NFYC: variants seen among roughly 807,000 people sequenced by gnomAD.
NFYC encodes nuclear transcription factor Y subunit gamma.
Under a neutral mutation model 53.1 loss-of-function variants are expected in NFYC, and 25 were observed. The observed-to-expected ratio is 0.47, with a 90% confidence interval of 0.34 to 0.66. The LOEUF is 0.66. Among genes scored for constraint, NFYC ranks in the 30% least tolerant of loss-of-function variants. The pLI, the probability that NFYC is intolerant of heterozygous loss-of-function variation, is 0.01. For missense variants in NFYC, 260 were observed against 422.7 expected (o/e 0.62, Z 3.38); for synonymous variants, 145 against 152.6 (o/e 0.95, Z 0.37).
chr1:40,731,472 C>T (rs1159906808), intron 1 of NFYC, among the ~76,000 whole-genome samples: 2 of 150,168 alleles, frequency 1.3e-5, no homozygotes, highest in Non-Finnish European at 3.0e-5. Flanking sequence ...CGCACCTGGC[C>T]TTTCTTTTTC....
At chr1:40,697,188 A>G (rs571949322) in intron 1 of NFYC, among the ~76,000 whole-genome samples, 5 of 152,326 alleles carry the variant, frequency 3.3e-5, no homozygotes, top group South Asian at 2.1e-4. Flanking sequence ...GTAGATGCCT[A>G]TCACTTAGTG....
intron 1 of NFYC, among the ~76,000 whole-genome samples, chr1:40,708,029 T>C (rs1643804300): frequency 6.6e-6 from 1 of 152,180 alleles, no homozygotes; most frequent in Non-Finnish European, 1.5e-5. Flanking sequence ...TTTTTAAAAA[T>C]TGTGTCTGTA....
chr1:40,760,253 A>G (rs1646469252), intron 6 of NFYC, among the ~76,000 whole-genome samples: 1 of 152,088 alleles, frequency 6.6e-6, no homozygotes, highest in Non-Finnish European at 1.5e-5. Flanking sequence ...CACCATGCCC[A>G]GTTAGGAGGT....
At chr1:40,730,757 T>C (rs1644733328) in intron 1 of NFYC, among the ~76,000 whole-genome samples, 1 of 152,242 alleles carries the variant, frequency 6.6e-6, no homozygotes, top group Non-Finnish European at 1.5e-5. Context: ...TATATTTGTT[T>C]CTTAGTCAGT....
At chr1:40,698,170 C>G (rs1643249263) in intron 1 of NFYC, among the ~76,000 whole-genome samples, 2 of 152,042 alleles carry the variant, frequency 1.3e-5, no homozygotes, top group African/African-American at 2.4e-5. Context: ...TGTGACCAGC[C>G]TGGCCAATAT....
chr1:40,714,423 T>A (rs1644047529), intron 1 of NFYC, among the ~76,000 whole-genome samples: 1 of 152,232 alleles, frequency 6.6e-6, no homozygotes, highest in Non-Finnish European at 1.5e-5. Context: ...CATGATATAC[T>A]TTAACATTTT....
intron 8 of NFYC, chr1:40,767,330 C>T (rs953691965): frequency 6.8e-5 from 20 of 294,220 alleles, no homozygotes; most frequent in African/African-American, 1.3e-4. Flanking sequence ...AAGCAGCGAT[C>T]GTTTAAGAGC....
Position 40,770,888 on chromosome 1 carries a change from A to G in NFYC, c.*60A>G, listed in dbSNP as rs908518259. On this transcript the variant is annotated 3_prime_UTR_variant, in exon 10 of 10. Coordinates refer to ENST00000447388, the MANE Select transcript of NFYC (RefSeq NM_014223.5). The surrounding 1 kb of genome is among the most constrained non-coding windows in gnomAD (Gnocchi z 5.3). Reference sequence around the variant, plus strand: ...CAATTTTTGCCATACAGCCCCAGGCAATGGGCACAGCCTTCCTCCCCAGAG... The same window carrying G: ...CAATTTTTGCCATACAGCCCCAGGCGATGGGCACAGCCTTCCTCCCCAGAG... 2 of 1,572,312 alleles carry G rather than the reference A, an allele frequency of 1.3e-6. No homozygotes were observed. The highest frequency in any genetic ancestry group is 1.7e-6 in the Non-Finnish European group (2 of 1,158,790).
intron 5 of NFYC, chr1:40,757,809 C>G (rs1646311055): frequency 2.1e-6 from 1 of 466,464 alleles, no homozygotes; most frequent in African/African-American, 2.0e-5. Context: ...CATTTACTGA[C>G]AAGCACTGCT....
chr1:40,715,672 G>A (rs912873310), intron 1 of NFYC, among the ~76,000 whole-genome samples: 2 of 151,854 alleles, frequency 1.3e-5, no homozygotes, highest in Non-Finnish European at 2.9e-5. Flanking sequence ...GCTAGACCCC[G>A]CTGTTCAATA....
At chr1:40,740,124 G>A (rs1645261368) in intron 2 of NFYC, among the ~76,000 whole-genome samples, 1 of 152,198 alleles carries the variant, frequency 6.6e-6, no homozygotes, top group Non-Finnish European at 1.5e-5. Flanking sequence ...TACTAAAGGA[G>A]CTCCCCATGT....
chr1:40,757,375 A>G (rs560493179), intron 5 of NFYC: 11 of 534,248 alleles, frequency 2.1e-5, no homozygotes, highest in South Asian at 1.5e-4. Flanking sequence ...GCCATGGAAA[A>G]CATCAGCTGA....
At chr1:40,728,417 C>T (rs566813576) in intron 1 of NFYC, among the ~76,000 whole-genome samples, 2 of 151,872 alleles carry the variant, frequency 1.3e-5, no homozygotes, top group African/African-American at 2.4e-5. Flanking sequence ...GCCAACGTGG[C>T]GAAACCCTGT....
intron 1 of NFYC, among the ~76,000 whole-genome samples, chr1:40,725,169 T>C (rs1354918133): frequency 2.0e-5 from 3 of 152,222 alleles, no homozygotes; most frequent in Non-Finnish European, 4.4e-5. Flanking sequence ...GTTTCCTGCA[T>C]GACTATATAA....
In NFYC at chr1:40,751,467, G is replaced by T. The variant is rs1051760504; in HGVS notation, c.292-1684G>T. 2.6e-5 allele frequency among the ~76,000 whole-genome samples: 4 copies of T among 152,148 alleles called. No homozygotes were observed. The East Asian group carries it at 7.7e-4, about 29-fold the overall frequency. ...GTGGCCTAGGCTGGAGTGCAGTGGC[G>T]CAATCACAGCTCATTGCAGCCTCGA... On this transcript the variant is annotated intron_variant, in intron 4 of 9. Coordinates refer to ENST00000447388, the MANE Select transcript of NFYC (RefSeq NM_014223.5).
At chr1:40,714,955 C>T (rs1644072026) in intron 1 of NFYC, among the ~76,000 whole-genome samples, 1 of 152,040 alleles carries the variant, frequency 6.6e-6, no homozygotes, top group South Asian at 2.1e-4. Context: ...TGGCGGGCGC[C>T]TGTAGTCCCA....
At chr1:40,693,557 A>G (rs2223486) in intron 1 of NFYC, among the ~76,000 whole-genome samples, 119,424 of 152,146 alleles carry the variant, frequency 0.78, 47,501 homozygotes, top group African/African-American at 0.9. Flanking sequence ...TAAGTAGCAG[A>G]GGAAGAGAAT....
intron 1 of NFYC, among the ~76,000 whole-genome samples, chr1:40,699,001 A>G (rs1406905810): frequency 1.3e-5 from 2 of 152,006 alleles, no homozygotes; most frequent in Non-Finnish European, 2.9e-5. Flanking sequence ...CATCTCTACT[A>G]AAGATACAAA....
chr1:40,725,118 A>T (rs907237858), intron 1 of NFYC, among the ~76,000 whole-genome samples: 4 of 152,244 alleles, frequency 2.6e-5, no homozygotes, highest in African/African-American at 9.6e-5. Flanking sequence ...TTAGAATGTA[A>T]GTAATAAGGT....
Sources: allele counts gnomAD v4.1 joint callset (sites outside exome capture counted in the v4.1 genomes callset), GRCh38; gene constraint gnomAD v4.1.1; non-coding constraint Gnocchi (gnomAD v3.1); transcripts MANE v1.5; gene names NCBI Gene and HGNC (gene_info 2026-07-23, HGNC 2026-07-21).